Variants in CD8B2 observed in about 807,000 individuals in gnomAD.
CD8B2 encodes the protein CD8B family member 2.
In CD8B2, 11 loss-of-function variants were observed where a neutral mutation model predicts 23.7. The ratio of observed to expected loss-of-function variants is 0.46; its 90% CI spans 0.29 to 0.77. The LOEUF is 0.77. Ranked by LOEUF, CD8B2 falls within the 30% of genes least tolerant of loss-of-function variation. CD8B2 has a pLI of 0.09. For missense variants in CD8B2, 197 were observed against 270.5 expected, an observed-to-expected ratio of 0.73 and a Z score of 1.91; for synonymous variants, 90 against 109.3, an observed-to-expected ratio of 0.82 and a Z score of 1.10.
At chr2:106,514,350 C>T (rs1396953535), downstream of CD8B2, among the ~76,000 whole-genome samples, 29 of 148,958 alleles carry the variant, frequency 1.9e-4, no homozygotes, top group Admixed American at 9.5e-4. Flanking sequence ...TGCAGTGGCA[C>T]GATCTCAGCT....
intron 1 of CD8B2, among the ~76,000 whole-genome samples, chr2:106,489,327 C>A (rs989015827): frequency 6.6e-6 from 1 of 151,458 alleles, no homozygotes; most frequent in Non-Finnish European, 1.5e-5. Context: ...TTGATGCGAG[C>A]GAAAGCTAAG....
chr2:106,534,158 C>T (rs948780155), intron 5 of CD8B2, among the ~76,000 whole-genome samples: 3 of 152,152 alleles, frequency 2.0e-5, no homozygotes, highest in African/African-American at 4.8e-5. Context: ...ACAAGAGCTA[C>T]GTTAGCTAGG....
rs563512717 is a variant in CD8B2 at position 106,488,006 on chromosome 2, GC to G, written c.43+538del. On this transcript the variant is annotated intron_variant, in intron 1 of 5. Coordinates refer to ENST00000643224, the MANE Select transcript of CD8B2 (RefSeq NM_001349727.2). Reference sequence around the variant, plus strand: ...TGGCTGGTGTTGGGTGTCATGGGTAGCGTGGCTCCCTAGGAAGCAGCCTGGA... The same window carrying G: ...TGGCTGGTGTTGGGTGTCATGGGTAGGTGGCTCCCTAGGAAGCAGCCTGGA... Among the ~76,000 whole-genome samples the G allele has an allele frequency of 1.8e-4, 27 of 152,232 alleles. 1 individual carries two copies. The highest frequency in any genetic ancestry group is 6.3e-4 in the African/African-American group (26 of 41,548).
At chr2:106,538,333 T>A (rs1486642964) in intron 5 of CD8B2, among the ~76,000 whole-genome samples, 1 of 152,202 alleles carries the variant, frequency 6.6e-6, no homozygotes, top group Non-Finnish European at 1.5e-5. Context: ...TATGTATACA[T>A]GAAGAATATT....
intron 5 of CD8B2, among the ~76,000 whole-genome samples, chr2:106,521,399 AG>A (rs1294025887): frequency 6.6e-6 from 1 of 152,200 alleles, no homozygotes; most frequent in African/African-American, 2.4e-5. Flanking sequence ...GAAAGCTTCG[AG>A]CTTGCGTGTC....
intron 5 of CD8B2, among the ~76,000 whole-genome samples, chr2:106,516,980 A>G (rs1288777647): frequency 6.7e-6 from 1 of 148,238 alleles, no homozygotes; most frequent in Non-Finnish European, 1.5e-5. Flanking sequence ...TATATTTCAT[A>G]TATGAAGATT....
chr2:106,532,404 C>T (rs528745104), intron 5 of CD8B2, among the ~76,000 whole-genome samples: 82 of 152,154 alleles, frequency 5.4e-4, no homozygotes, highest in African/African-American at 1.9e-3. Context: ...GAAAGGAGTC[C>T]GGATCCAGAC....
At chr2:106,536,318 C>G (rs1190464397) in intron 5 of CD8B2, among the ~76,000 whole-genome samples, 1 of 152,138 alleles carries the variant, frequency 6.6e-6, no homozygotes, top group African/African-American at 2.4e-5. Flanking sequence ...AGCCATGAAC[C>G]ACTGCGCCTG....
At chr2:106,500,524 A>ATAAG (rs1439663043) in intron 3 of CD8B2, among the ~76,000 whole-genome samples, 3 of 121,238 alleles carry the variant, frequency 2.5e-5, no homozygotes, top group African/African-American at 9.4e-5. Context: ...CGTCTCAAAA[A>ATAAG]TAAATAAATA....
intron 5 of CD8B2, among the ~76,000 whole-genome samples, chr2:106,523,169 C>G (rs549056365): frequency 1.4e-4 from 22 of 152,116 alleles, no homozygotes; most frequent in Non-Finnish European, 1.2e-4. Context: ...AGAACAAACC[C>G]TGTGTTCTCT....
At chr2:106,542,001 G>A (rs141816428) in intron 5 of CD8B2, among the ~76,000 whole-genome samples, 1 of 152,308 alleles carries the variant, frequency 6.6e-6, no homozygotes, top group East Asian at 1.9e-4. Flanking sequence ...CCATGGCTCA[G>A]CCTTCACTCT....
At chr2:106,502,153 A>C (rs1157725349) in intron 3 of CD8B2, among the ~76,000 whole-genome samples, 1 of 151,780 alleles carries the variant, frequency 6.6e-6, no homozygotes, top group Non-Finnish European at 1.5e-5. Flanking sequence ...AAAATTAGCC[A>C]GGCATGGTGG....
At chr2:106,530,890 C>T (rs1414059467) in intron 5 of CD8B2, among the ~76,000 whole-genome samples, 1 of 152,138 alleles carries the variant, frequency 6.6e-6, no homozygotes, top group Non-Finnish European at 1.5e-5. Context: ...TTTACAAATG[C>T]CATGGCAATG....
At chr2:106,497,516 C>G (rs1679322240) in intron 3 of CD8B2, among the ~76,000 whole-genome samples, 1 of 152,164 alleles carries the variant, frequency 6.6e-6, no homozygotes, top group African/African-American at 2.4e-5. Context: ...GCAAAAGTCA[C>G]TGGTGACAAA....
chr2:106,544,227 A>C (rs1680218295), exon 6 of CD8B2: 1 of 396,178 alleles, frequency 2.5e-6, no homozygotes, highest in African/African-American at 2.1e-5. Context: ...GTTTTTAGTT[A>C]TTTGAATAGG....
Position 106,526,275 on chromosome 2 carries a change from C to T in CD8B2, c.621-17717C>T, listed in dbSNP as rs569000233. Among the ~76,000 whole-genome samples, 6 of 151,624 alleles carry T rather than the reference C, an allele frequency of 4.0e-5. No homozygotes were observed. In the East Asian group the frequency reaches 1.2e-3, roughly 29 times the overall value. On this transcript the variant is annotated intron_variant, in intron 5 of 5. Transcript: ENST00000416057. The stretch of plus-strand genomic sequence containing the variant: ...AAAAAAAAAAATCACTTTATGAATA[C>T]AACTCACATACCTAAAGTATACAAT...
chr2:106,504,593 A>AT (rs1679470847), intron 5 of CD8B2, among the ~76,000 whole-genome samples: 1 of 151,176 alleles, frequency 6.6e-6, no homozygotes, highest in East Asian at 1.9e-4. Flanking sequence ...CTAAAAAAAA[A>AT]TTTACAGACT....
chr2:106,539,824 G>T (rs1324834138), intron 5 of CD8B2, among the ~76,000 whole-genome samples: 1 of 152,106 alleles, frequency 6.6e-6, no homozygotes, highest in Non-Finnish European at 1.5e-5. Flanking sequence ...GCTTTGCCAA[G>T]TGGGAAAAAA....
At chr2:106,514,022 T>C (rs1261437184), downstream of CD8B2, among the ~76,000 whole-genome samples, 1 of 150,988 alleles carries the variant, frequency 6.6e-6, no homozygotes, top group Non-Finnish European at 1.5e-5. Context: ...GAAAGCCATG[T>C]TGGGTGGTCT....
Sources: gnomAD v4.1 joint callset for allele counts (sites outside exome capture counted in the v4.1 genomes callset) on GRCh38, gnomAD v4.1.1 for gene constraint, MANE v1.5 for transcripts, NCBI Gene and HGNC (gene_info 2026-07-23, HGNC 2026-07-21) for gene names.